The following TUBGCP3 variants were observed in gnomAD, a reference collection of about 807,000 sequenced individuals.
TUBGCP3 encodes gamma-tubulin complex component 3.
In TUBGCP3, 50 loss-of-function variants were observed where a neutral mutation model predicts 123.1. That is an observed-to-expected ratio of 0.41 (90% CI 0.32 to 0.51). The LOEUF (loss-of-function observed/expected upper bound fraction) is 0.51. Ranked by LOEUF, TUBGCP3 falls within the 20% of genes least tolerant of loss-of-function variation. The pLI is 0.36. For synonymous variants in TUBGCP3, 405 were observed against 413.9 expected, an observed-to-expected ratio of 0.98 and a Z score of 0.26; for missense variants, 882 against 1,127.0, an observed-to-expected ratio of 0.78 and a Z score of 3.11.
At chr13:112,577,210 G>A (rs2139307610) in intron 1 of TUBGCP3, among the ~76,000 whole-genome samples, 1 of 152,224 alleles carries the variant, frequency 6.6e-6, no homozygotes, top group Non-Finnish European at 1.5e-5. Context: ...CTTCCAAAGA[G>A]CACAATACAG....
At chr13:112,495,850 T>C (rs144126536) in intron 20 of TUBGCP3, among the ~76,000 whole-genome samples, 53 of 152,280 alleles carry the variant, frequency 3.5e-4, no homozygotes, top group African/African-American at 1.3e-3. Context: ...AGTGAGTTGG[T>C]GGGAGAGCCT....
intron 17 of TUBGCP3, among the ~76,000 whole-genome samples, chr13:112,515,194 A>C (rs922438062): frequency 1.3e-5 from 2 of 152,228 alleles, no homozygotes; most frequent in African/African-American, 4.8e-5. Flanking sequence ...TGCTAAACTG[A>C]TAATCAGATC....
intron 1 of TUBGCP3, among the ~76,000 whole-genome samples, chr13:112,580,781 C>A (rs1381171504): frequency 6.6e-6 from 1 of 152,144 alleles, no homozygotes; most frequent in Non-Finnish European, 1.5e-5. Context: ...TCCAAGAGTT[C>A]AGGAATAGAA....
intron 20 of TUBGCP3, among the ~76,000 whole-genome samples, chr13:112,490,215 T>C (rs1879985096): frequency 6.6e-6 from 1 of 152,236 alleles, no homozygotes; most frequent in Non-Finnish European, 1.5e-5. Context: ...AATGATGAAT[T>C]TGATTAAATG....
chr13:112,572,734 A>C (rs1881511338), intron 1 of TUBGCP3, among the ~76,000 whole-genome samples: 1 of 152,214 alleles, frequency 6.6e-6, no homozygotes, highest in Non-Finnish European at 1.5e-5. Context: ...CAATTACAAC[A>C]GCAGCATCAA....
At chr13:112,489,429 G>A in intron 21 of TUBGCP3, 152 bp downstream of exon 21, 1 of 674,850 alleles carries the variant, frequency 1.5e-6, no homozygotes, top group Non-Finnish European at 2.7e-6. Context: ...CCCCCAGAGG[G>A]TCACAGGGTC....
rs1876861750 is a variant in TUBGCP3 at position 112,524,214 on chromosome 13, T to C, written c.1556-1705A>G. On this transcript the variant is annotated intron_variant, in intron 13 of 21. Coordinates refer to ENST00000261965, the MANE Select transcript of TUBGCP3 (RefSeq NM_006322.6). This position sits in a 1 kb window ranked among gnomAD's most constrained non-coding sequence, Gnocchi z 4.4. Reference sequence around the variant, plus strand: ...TAAATCATCTCTAAATTACTTATAATATCTAGCGCAATGTACATGCTATGC... The same window carrying C: ...TAAATCATCTCTAAATTACTTATAACATCTAGCGCAATGTACATGCTATGC... Among the ~76,000 whole-genome samples the C allele has an allele frequency of 6.6e-6, 1 of 152,264 alleles. No homozygotes were observed. The highest frequency in any genetic ancestry group is 2.4e-5 in the African/African-American group (1 of 41,472).
intron 1 of TUBGCP3, among the ~76,000 whole-genome samples, chr13:112,581,584 T>G (rs994766518): frequency 3.9e-5 from 6 of 152,060 alleles, no homozygotes; most frequent in African/African-American, 1.4e-4. Flanking sequence ...TAGCTGGGAC[T>G]ACAGGTATGT....
In TUBGCP3 at chr13:112,524,137, A is replaced by C. The variant is rs1459512885; in HGVS notation, c.1556-1628T>G. ...ATTCCCTGATGCTCAAGTCTCTTCT[A>C]CAAAATGAAGCAATATTTGCACCTA... On this transcript the variant is annotated intron_variant, in intron 13 of 21. Coordinates refer to ENST00000261965, the MANE Select transcript of TUBGCP3 (RefSeq NM_006322.6). The surrounding 1 kb of genome is among the most constrained non-coding windows in gnomAD (Gnocchi z 4.4). Among the ~76,000 whole-genome samples, 1 of 152,190 alleles carries C rather than the reference A, an allele frequency of 6.6e-6. No homozygotes were observed. Among genetic ancestry groups the C allele is most frequent in the African/African-American group, 2.4e-5 (1 of 41,434 alleles).
chr13:112,488,106 T>C, intron 21 of TUBGCP3, among the ~76,000 whole-genome samples: 1 of 135,640 alleles, frequency 7.4e-6, no homozygotes, highest in Admixed American at 8.0e-5. Flanking sequence ...CACTGCAGCC[T>C]GGGTGACAGA....
the TUBGCP3 span, among the ~76,000 whole-genome samples, chr13:112,599,980 T>C: frequency 6.6e-6 from 1 of 152,242 alleles, no homozygotes; most frequent in Admixed American, 6.5e-5. Flanking sequence ...TAGTGCACAG[T>C]GAATGGACCA....
At chr13:112,568,798 T>C (rs550700623) in intron 2 of TUBGCP3, among the ~76,000 whole-genome samples, 4 of 152,308 alleles carry the variant, frequency 2.6e-5, no homozygotes, top group African/African-American at 7.2e-5. Context: ...TGGCGGCTCA[T>C]TACTCAGAGC....
chr13:112,576,998 G>GAA (rs147386054), intron 1 of TUBGCP3, among the ~76,000 whole-genome samples: 2 of 130,412 alleles, frequency 1.5e-5, no homozygotes, highest in Non-Finnish European at 3.3e-5. Context: ...AAAAAAAAAA[G>GAA]AAAAAAAAAT....
At chr13:112,539,955 C>T (rs1267002264) in intron 11 of TUBGCP3, among the ~76,000 whole-genome samples, 2 of 142,190 alleles carry the variant, frequency 1.4e-5, no homozygotes, top group Admixed American at 6.9e-5. Context: ...GGAGTGATGA[C>T]GTCAATGTAG....
Position 112,500,230 on chromosome 13 carries a change from C to T in TUBGCP3, c.2308-1045G>A, listed in dbSNP as rs76558108. On this transcript the variant is annotated intron_variant, in intron 19 of 21. Transcript: ENST00000261965. ...AAGAAAATTGTGATAAAATTCAACA[C>T]CCACTCATAATTTAAATAAGGCATC... 1.5e-3 allele frequency among the ~76,000 whole-genome samples: 234 copies of T among 152,246 alleles called. 3 individuals are homozygous for T. The East Asian group carries it at 0.025, about 16-fold the overall frequency.
intron 1 of TUBGCP3, among the ~76,000 whole-genome samples, chr13:112,578,528 C>A (rs1451316531): frequency 6.1e-5 from 7 of 115,368 alleles, no homozygotes; most frequent in Non-Finnish European, 1.1e-4. Flanking sequence ...CACTGCAGTC[C>A]AGCTTGGGCG....
the TUBGCP3 span, among the ~76,000 whole-genome samples, chr13:112,594,535 CTTAT>C: frequency 1.3e-5 from 2 of 152,116 alleles, no homozygotes; most frequent in Non-Finnish European, 2.9e-5. Context: ...ATCTTTTTGT[CTTAT>C]TTGTTTCCTC....
At chr13:112,517,013 TTTTG>T (rs538247207) in intron 16 of TUBGCP3, among the ~76,000 whole-genome samples, 6 of 152,130 alleles carry the variant, frequency 3.9e-5, no homozygotes, top group African/African-American at 7.2e-5. Flanking sequence ...TATTTTGTTT[TTTTG>T]TTTGTTTGTT....
intron 1 of TUBGCP3, among the ~76,000 whole-genome samples, chr13:112,574,703 A>T (rs1470546330): frequency 6.6e-6 from 1 of 152,248 alleles, no homozygotes; most frequent in Non-Finnish European, 1.5e-5. Flanking sequence ...AAAATACATA[A>T]AACACCTCCA....
Sources: gnomAD v4.1 joint callset for allele counts (sites outside exome capture counted in the v4.1 genomes callset) on GRCh38, gnomAD v4.1.1 for gene constraint, Gnocchi (gnomAD v3.1) non-coding constraint, MANE v1.5 for transcripts, NCBI Gene and HGNC (gene_info 2026-07-23, HGNC 2026-07-21) for gene names.